Variants in PTK2 observed in about 807,000 individuals in gnomAD.
PTK2 encodes the protein protein tyrosine kinase 2.
Under a neutral mutation model 150.1 loss-of-function variants are expected in PTK2, and 45 were observed. The ratio of observed to expected loss-of-function variants is 0.30; its 90% CI spans 0.24 to 0.38. The LOEUF is 0.38. PTK2 is among the 10% of genes least tolerant of loss of function. The probability of loss-of-function intolerance (pLI) is 1.00; values close to 1 mark genes in which losing one functional copy is unlikely to be tolerated. For synonymous variants in PTK2, 432 were observed against 449.2 expected, an observed-to-expected ratio of 0.96 and a Z score of 0.48; for missense variants, 919 against 1,307.3, an observed-to-expected ratio of 0.70 and a Z score of 4.58.
intron 1 of PTK2, among the ~76,000 whole-genome samples, chr8:140,995,083 C>CA (rs35987927): frequency 0.47 from 57,415 of 122,074 alleles, 13,400 homozygotes; most frequent in Non-Finnish European, 0.56. Context: ...AACTCTGTCT[C>CA]AAAAAAAAAA....
At chr8:140,789,435 G>C (rs760788856) in intron 14 of PTK2, 39 bp downstream of exon 14, 1 of 1,602,372 alleles carries the variant, frequency 6.2e-7, no homozygotes, top group Non-Finnish European at 8.5e-7. Flanking sequence ...CTTACCCCAT[G>C]AGAGTGCTTT....
chr8:140,938,020 C>G (rs191588817), intron 1 of PTK2, among the ~76,000 whole-genome samples: 78 of 152,324 alleles, frequency 5.1e-4, no homozygotes, highest in Non-Finnish European at 8.1e-4. Flanking sequence ...CTTAGTTGAT[C>G]TCTACATTAT....
Position 140,803,535 on chromosome 8 carries a change from T to A in PTK2, c.975+8A>T, listed in dbSNP as rs984049360. 6.3e-7 allele frequency: 1 copy of A among 1,595,854 alleles called. No homozygotes were observed. The highest frequency in any genetic ancestry group is 1.3e-5 in the African/African-American group (1 of 74,490). On this transcript the variant is annotated splice_region_variant and intron_variant, in intron 11 of 31. Transcript: ENST00000522684. ...TTTCCCTTAATGATGAACGTAACAG[T>A]TCCTTACCTCGGGTGCACCTGCTAT...
chr8:140,706,616 G>C (rs1376605931), intron 23 of PTK2, among the ~76,000 whole-genome samples: 1 of 152,168 alleles, frequency 6.6e-6, no homozygotes, highest in Non-Finnish European at 1.5e-5. Context: ...AACCAATCAG[G>C]CCAGTCTGTT....
intron 2 of PTK2, among the ~76,000 whole-genome samples, chr8:140,923,309 CTAA>C (rs2100168223): frequency 6.6e-6 from 1 of 152,114 alleles, no homozygotes; most frequent in Non-Finnish European, 1.5e-5. Flanking sequence ...GGTGATACTG[CTAA>C]TAATAACCTA....
chr8:140,987,885 TG>T (rs1407149830), intron 1 of PTK2, among the ~76,000 whole-genome samples: 1 of 152,006 alleles, frequency 6.6e-6, no homozygotes, highest in Admixed American at 6.6e-5. Flanking sequence ...TCTACAAAAA[TG>T]TTTTTTTAAT....
At chr8:140,690,068 T>G (rs2100022186) in intron 26 of PTK2, among the ~76,000 whole-genome samples, 1 of 152,252 alleles carries the variant, frequency 6.6e-6, no homozygotes, top group African/African-American at 2.4e-5. Flanking sequence ...TTCTCCTGCC[T>G]CAGCCTTCTG....
intron 26 of PTK2, among the ~76,000 whole-genome samples, chr8:140,695,013 C>G (rs1301916371): frequency 6.6e-6 from 1 of 152,218 alleles, no homozygotes; most frequent in Non-Finnish European, 1.5e-5. Context: ...TCTGCATCTC[C>G]AGCGCAGACC....
chr8:140,832,717 A>G (rs2100116203), intron 7 of PTK2, among the ~76,000 whole-genome samples: 3 of 152,056 alleles, frequency 2.0e-5, no homozygotes, highest in Admixed American at 6.6e-5. Context: ...GTGACTGGAC[A>G]TGAGGTGTGA....
At chr8:140,817,098 C>T (rs1409024126) in intron 10 of PTK2, among the ~76,000 whole-genome samples, 1 of 152,052 alleles carries the variant, frequency 6.6e-6, no homozygotes, top group East Asian at 1.9e-4. Context: ...CAAAGAAAGG[C>T]GGGGCTTGAA....
intron 8 of PTK2, among the ~76,000 whole-genome samples, chr8:140,822,720 C>T (rs1036289483): frequency 1.3e-5 from 2 of 152,164 alleles, no homozygotes; most frequent in African/African-American, 2.4e-5. Flanking sequence ...ATAAGATCCA[C>T]GTTGGTGATA....
At chr8:140,981,748 A>T (rs73714798) in intron 1 of PTK2, among the ~76,000 whole-genome samples, 7,088 of 152,230 alleles carry the variant, frequency 0.047, 448 homozygotes, top group African/African-American at 0.14. Context: ...GTAGCACTGT[A>T]CAGCAGAGCT....
intron 26 of PTK2, among the ~76,000 whole-genome samples, chr8:140,696,431 G>C (rs566344362): frequency 6.6e-6 from 1 of 152,186 alleles, no homozygotes; most frequent in Non-Finnish European, 1.5e-5. Flanking sequence ...GTTAATTCAA[G>C]CTTCACGCTT....
Position 140,674,405 on chromosome 8 carries a change from C to A in PTK2, c.2603-1G>T. ...GGTTTCTTTGGTGGAGCTGCAGGATCTGGTGAGAGAGAATGATTCCCATTA... is the reference window on the plus strand; with the variant it reads ...GGTTTCTTTGGTGGAGCTGCAGGATATGGTGAGAGAGAATGATTCCCATTA... On this transcript the variant is annotated splice_acceptor_variant, in intron 28 of 31. Coordinates refer to ENST00000522684, the Ensembl canonical transcript of PTK2. LOFTEE classifies it high-confidence loss of function. 6.3e-7 allele frequency: 1 copy of A among 1,586,554 alleles called. No homozygotes were observed. Among genetic ancestry groups the A allele is most frequent in the South Asian group, 1.2e-5 (1 of 86,758 alleles).
chr8:140,774,954 C>T (rs1414593519), intron 14 of PTK2, among the ~76,000 whole-genome samples: 12 of 152,204 alleles, frequency 7.9e-5, no homozygotes, highest in Non-Finnish European at 1.5e-5. Context: ...TAATAATCCA[C>T]CCCTTGTTTA....
At chr8:140,933,700 C>T (rs888509375) in intron 1 of PTK2, among the ~76,000 whole-genome samples, 5 of 152,102 alleles carry the variant, frequency 3.3e-5, no homozygotes, top group African/African-American at 9.7e-5. Context: ...ATAGGCAAAT[C>T]TATAAGAAAG....
intron 1 of PTK2, among the ~76,000 whole-genome samples, chr8:140,930,133 T>C (rs975588971): frequency 2.0e-5 from 3 of 152,202 alleles, no homozygotes; most frequent in African/African-American, 4.8e-5. Context: ...ATATGTTTAT[T>C]TGTAATACTG....
Position 140,690,499 on chromosome 8 carries a change from T to C in PTK2, c.2500-3805A>G, listed in dbSNP as rs61501268. 3.4e-3 allele frequency among the ~76,000 whole-genome samples: 521 copies of C among 152,286 alleles called. 5 individuals are homozygous for C. The highest frequency in any genetic ancestry group is 0.012 in the African/African-American group (491 of 41,556). On this transcript the variant is annotated intron_variant, in intron 26 of 31. Coordinates refer to ENST00000522684, the Ensembl canonical transcript of PTK2. ...ATGTGGTCATTTAATAGTTACATGA[T>C]TTTGGTTATTTTAAAATATTGTATA...
intron 24 of PTK2, among the ~76,000 whole-genome samples, chr8:140,705,706 T>C (rs564210405): frequency 1.3e-5 from 2 of 152,268 alleles, no homozygotes; most frequent in Admixed American, 6.5e-5. Flanking sequence ...AGGATATCTA[T>C]CTATAAATCT....
Sources: allele counts gnomAD v4.1 joint callset (sites outside exome capture counted in the v4.1 genomes callset), GRCh38; gene constraint gnomAD v4.1.1; transcripts MANE v1.5; gene names NCBI Gene and HGNC (gene_info 2026-07-23, HGNC 2026-07-21).